The following CDH13 variants were observed in gnomAD, a reference collection of about 807,000 sequenced individuals.
The protein encoded by CDH13 is cadherin 13.
CDH13 carries 24 observed loss-of-function variants against 63.8 expected under a neutral mutation model. That is an observed-to-expected ratio of 0.38 (90% CI 0.27 to 0.53). The LOEUF is 0.53. Ranked by LOEUF, CDH13 falls within the 20% of genes least tolerant of loss-of-function variation. CDH13 has a pLI of 0.85. For synonymous variants in CDH13, 503 were observed against 355.3 expected (o/e 1.42, Z -4.67); for missense variants, 1,049 against 903.1 (o/e 1.16, Z -2.07).
intron 2 of CDH13, among the ~76,000 whole-genome samples, chr16:82,875,292 G>A (rs1223411422): frequency 6.6e-6 from 1 of 152,132 alleles, no homozygotes; most frequent in Non-Finnish European, 1.5e-5. Flanking sequence ...AGGAGAGGTT[G>A]GATTATCTGT....
chr16:83,226,741 C>T (rs752893177), intron 5 of CDH13, among the ~76,000 whole-genome samples: 2 of 152,138 alleles, frequency 1.3e-5, no homozygotes, highest in South Asian at 2.1e-4. Context: ...TTACAGGGAA[C>T]AAGTTAAATA....
chr16:83,132,186 A>T (rs2036083094), intron 4 of CDH13, among the ~76,000 whole-genome samples: 7 of 152,120 alleles, frequency 4.6e-5, no homozygotes. Context: ...TTAGAGGCTG[A>T]ACCAGAAAGC....
chr16:83,566,617 C>G (rs1055034622), intron 7 of CDH13, among the ~76,000 whole-genome samples: 1 of 152,148 alleles, frequency 6.6e-6, no homozygotes, highest in South Asian at 2.1e-4. Flanking sequence ...TGGGTTTACC[C>G]TCCTTGTACC....
At chr16:82,703,487 A>T (rs780930381) in intron 1 of CDH13, among the ~76,000 whole-genome samples, 1 of 152,078 alleles carries the variant, frequency 6.6e-6, no homozygotes, top group Non-Finnish European at 1.5e-5. Flanking sequence ...CCCTTTGGAG[A>T]TGTATTTGAC....
At chr16:83,164,594 C>G (rs1357916636) in intron 4 of CDH13, among the ~76,000 whole-genome samples, 1 of 151,860 alleles carries the variant, frequency 6.6e-6, no homozygotes, top group Admixed American at 6.6e-5. Context: ...GGTGGGGGCG[C>G]CTGCAATCCC....
chr16:83,709,628 G>A, intron 10 of CDH13, among the ~76,000 whole-genome samples: 1 of 152,210 alleles, frequency 6.6e-6, no homozygotes, highest in East Asian at 1.9e-4. Context: ...CATCCACAGT[G>A]AGCCTCTTAA....
chr16:83,138,751 C>T (rs969206174), intron 4 of CDH13, among the ~76,000 whole-genome samples: 1 of 152,028 alleles, frequency 6.6e-6, no homozygotes, highest in African/African-American at 2.4e-5. Flanking sequence ...CTGGGTAACA[C>T]CTGAAGGCTG....
chr16:83,680,582 G>T (rs760554751), intron 10 of CDH13, among the ~76,000 whole-genome samples: 2 of 152,112 alleles, frequency 1.3e-5, no homozygotes, highest in African/African-American at 4.8e-5. Context: ...AACAGCACAG[G>T]CAGATAAGGG....
intron 4 of CDH13, among the ~76,000 whole-genome samples, chr16:83,179,577 G>T (rs1029019803): frequency 1.3e-5 from 2 of 151,698 alleles, no homozygotes; most frequent in East Asian, 1.9e-4. Context: ...GAGTGAACCC[G>T]GGAGGTGGAG....
intron 1 of CDH13, among the ~76,000 whole-genome samples, chr16:82,742,199 G>C (rs546142710): frequency 1.1e-4 from 16 of 152,112 alleles, no homozygotes; most frequent in African/African-American, 3.6e-4. Context: ...AAAATATAAG[G>C]GCTATTGTTA....
chr16:82,923,820 A>G (rs2042227602), intron 2 of CDH13, among the ~76,000 whole-genome samples: 1 of 152,202 alleles, frequency 6.6e-6, no homozygotes, highest in Non-Finnish European at 1.5e-5. Context: ...ATTGCATTTG[A>G]AACGAACATT....
chr16:83,012,126 G>C (rs902489154), intron 2 of CDH13, among the ~76,000 whole-genome samples: 2 of 152,108 alleles, frequency 1.3e-5, no homozygotes, highest in Non-Finnish European at 2.9e-5. Context: ...TAGGAATTCA[G>C]AAAACTATCC....
At chr16:82,964,824 T>A (rs563474547) in intron 2 of CDH13, among the ~76,000 whole-genome samples, 26 of 152,352 alleles carry the variant, frequency 1.7e-4, no homozygotes, top group African/African-American at 4.6e-4. Context: ...TCGAAATGAC[T>A]GATCCTGGGT....
intron 2 of CDH13, among the ~76,000 whole-genome samples, chr16:82,995,290 G>A (rs1912078693): frequency 6.6e-6 from 1 of 152,162 alleles, no homozygotes. Flanking sequence ...TGGTCACTCA[G>A]CTAAAGACTA....
At chr16:83,055,912 A>G (rs1203685355) in intron 3 of CDH13, among the ~76,000 whole-genome samples, 4 of 152,208 alleles carry the variant, frequency 2.6e-5, no homozygotes, top group Non-Finnish European at 5.9e-5. Context: ...GAAAGTGAAA[A>G]GGCAGGCTAT....
chr16:82,693,411 G>T (rs942445057), intron 1 of CDH13, among the ~76,000 whole-genome samples: 3 of 151,618 alleles, frequency 2.0e-5, no homozygotes, highest in African/African-American at 7.3e-5. Flanking sequence ...GGACATATCT[G>T]TGCACCTCTT....
chr16:83,016,432 A>C (rs1315150627), intron 2 of CDH13, among the ~76,000 whole-genome samples: 1 of 152,168 alleles, frequency 6.6e-6, no homozygotes, highest in Non-Finnish European at 1.5e-5. Flanking sequence ...TAGGGCTAGC[A>C]CCAAGCCTAG....
chr16:83,149,947 A>C (rs780128009), intron 4 of CDH13, among the ~76,000 whole-genome samples: 2 of 152,206 alleles, frequency 1.3e-5, no homozygotes, highest in Non-Finnish European at 2.9e-5. Flanking sequence ...GCCACTGATT[A>C]CAAGCAGCGA....
chr16:83,171,597 G>T, intron 4 of CDH13: 1 of 1,514,560 alleles, frequency 6.6e-7, no homozygotes, highest in Middle Eastern at 1.7e-4. Context: ...TGAAATATCT[G>T]TGTCTCTATC....
Sources: allele counts gnomAD v4.1 joint callset (sites outside exome capture counted in the v4.1 genomes callset), GRCh38; gene constraint gnomAD v4.1.1; transcripts MANE v1.5; gene names NCBI Gene and HGNC (gene_info 2026-07-23, HGNC 2026-07-21).